Variants in MVP observed in about 807,000 individuals in gnomAD.
MVP encodes major vault protein, also known as lung resistance-related protein.
A neutral mutation model predicts 83.5 loss-of-function variants in MVP; 62 were observed. That is an observed-to-expected ratio of 0.74 (90% CI 0.61 to 0.92). The LOEUF (loss-of-function observed/expected upper bound fraction) is 0.92, where lower values mean the gene tolerates loss of function less well. Ranked by LOEUF, MVP falls within the 40% of genes least tolerant of loss-of-function variation. MVP has a pLI of 0.00. For missense variants in MVP, 1,000 were observed against 1,203.4 expected (o/e 0.83, Z 2.50); for synonymous variants, 505 against 504.1 (o/e 1.00, Z -0.02).
rs765719323 is a variant in MVP at position 29,842,138 on chromosome 16, G to T, written c.1634+26G>T. 11 of 1,567,364 alleles carry T rather than the reference G, an allele frequency of 7.0e-6. No individual in the cohort carries two copies. The South Asian group carries it at 1.1e-4, about 16-fold the overall frequency. ...GTAAAAATGGGGACAGGGCATGGGG[G>T]TGCATTCCTGGAATCCCAGCACTTT... On this transcript the variant is annotated intron_variant, in intron 10 of 14. Coordinates refer to ENST00000357402, the MANE Select transcript of MVP (RefSeq NM_005115.5).
intron 11 of MVP, among the ~76,000 whole-genome samples, chr16:29,845,417 C>G (rs1007674066): frequency 3.3e-5 from 5 of 152,132 alleles, no homozygotes; most frequent in African/African-American, 1.2e-4. Context: ...TTGGACCCAC[C>G]TGAAGGCCTT....
At position 29,846,246 on chromosome 16, in the gene MVP, C is replaced by T; in HGVS notation, c.2227C>T (p.Gln743Ter). Residue 743 changes from glutamine to a stop codon, truncating the protein, a stop_gained, in exon 13 of 15, where the codon CAG (glutamine) becomes TAG (stop). Coordinates refer to ENST00000357402, the MANE Select transcript of MVP (RefSeq NM_005115.5). LOFTEE classifies it high-confidence loss of function. ...ARIEGEGSVL[Q>*]AKLKAQALAI... ...GATTGAGGGAGAAGGGTCCGTGCTG[C>T]AGGCCAAGCTAAAAGCACAGGCCTT... 1 of 1,578,300 alleles carries T rather than the reference C, an allele frequency of 6.3e-7. No individual in the cohort carries two copies. The highest frequency in any genetic ancestry group is 8.6e-7 in the Non-Finnish European group (1 of 1,161,446).
chr16:29,830,726 T>G (rs753697578), intron 2 of MVP, 52 bp downstream of exon 2: 4 of 1,603,478 alleles, frequency 2.5e-6, no homozygotes, highest in Non-Finnish European at 3.4e-6. Context: ...GGGGGCCTGT[T>G]TGGCTGGCAT....
At chr16:29,842,772 C>G (rs2067545545) in intron 10 of MVP, among the ~76,000 whole-genome samples, 1 of 152,158 alleles carries the variant, frequency 6.6e-6, no homozygotes, top group East Asian at 1.9e-4. Flanking sequence ...CAAGAGGGAA[C>G]CTAGGAGTTC....
Position 29,830,608 on chromosome 16 carries a change from A to G in MVP, c.59A>G (p.Asp20Gly). Residue 20 changes from aspartate (D) to glycine (G), a missense_variant, in exon 2 of 15, where the codon GAC (aspartate) becomes GGC (glycine). Physicochemically the swap from Asp to Gly is moderately conservative, Grantham distance 94. Coordinates refer to ENST00000357402, the MANE Select transcript of MVP (RefSeq NM_005115.5). ...IPPYHYIHVLDQNSNVSRVEV... is the reference protein window; with the variant it reads ...IPPYHYIHVLGQNSNVSRVEV... ...CCATACCACTATATCCATGTGCTGG[A>G]CCAGAACAGCAACGTGTCCCGTGTG... 6.2e-7 allele frequency: 1 copy of G among 1,613,998 alleles called. No homozygotes were observed. Among genetic ancestry groups the G allele is most frequent in the Non-Finnish European group, 8.5e-7 (1 of 1,179,968 alleles).
At chr16:29,831,779 G>A (rs2067444159) in intron 3 of MVP, 1 of 454,070 alleles carries the variant, frequency 2.2e-6, no homozygotes, top group Non-Finnish European at 4.4e-6. Context: ...GCCCCAGGCT[G>A]TGCCTGTTCT....
intron 10 of MVP, among the ~76,000 whole-genome samples, chr16:29,842,983 G>A (rs761201937): frequency 6.6e-6 from 1 of 152,238 alleles, no homozygotes; most frequent in Non-Finnish European, 1.5e-5. Context: ...GAAACTGACT[G>A]CCCTGGCCTG....
chr16:29,847,963 A>G lies in MVP; in HGVS notation c.2656A>G (p.Asn886Asp), dbSNP rs768478497. 5 of 1,609,340 alleles carry G rather than the reference A, an allele frequency of 3.1e-6. No homozygotes were observed. Among genetic ancestry groups the G allele is most frequent in the Non-Finnish European group, 1.7e-6 (2 of 1,178,776 alleles). Residue 886 changes from asparagine (N) to aspartate (D), a missense_variant, in exon 15 of 15, where the codon AAC becomes GAC. Asn to Asp is a conservative substitution (Grantham distance 23). Transcript: ENST00000357402. ...TCAGGCCCCTCAAGCTCCTGGAGAC[A>G]ACCACGTGGTGCCTGTACTGCGCTA... is the stretch of plus-strand genomic sequence containing the variant. ...SAQAPQAPGD[N>D]HVVPVLR
chr16:29,842,017 G>C lies in MVP; in HGVS notation c.1539G>C (p.Ala513=), dbSNP rs578151102. 1 of 1,611,382 alleles carries C rather than the reference G, an allele frequency of 6.2e-7. No individual in the cohort carries two copies. Among genetic ancestry groups the C allele is most frequent in the African/African-American group, 1.3e-5 (1 of 74,912 alleles). Residue 513 remains alanine (A), a synonymous_variant, in exon 10 of 15, where the codon GCG becomes GCC. Transcript: ENST00000357402. ...GRPKRPHARR[A]LCLLLGPDFF... is the part of the protein sequence containing the mutation. ...CCAAGCGTCCCCATGCCCGCCGTGCGCTCTGCCTGCTGCTGGGGCCTGACT... is the reference window on the plus strand; with the variant it reads ...CCAAGCGTCCCCATGCCCGCCGTGCCCTCTGCCTGCTGCTGGGGCCTGACT...
At chr16:29,825,008 G>T (rs1304244647) in intron 1 of MVP, among the ~76,000 whole-genome samples, 1 of 151,982 alleles carries the variant, frequency 6.6e-6, no homozygotes, top group Non-Finnish European at 1.5e-5. Context: ...CTCCCAAAGT[G>T]TTGGGATTAC....
In MVP at chr16:29,840,176, A is replaced by C; in HGVS notation, c.910-2A>C. ...GACCCTAACCTCACGTCTCCCCACT[A>C]GGGAGAGAAGTCTTTTTTCCTCCAG... On this transcript the variant is annotated splice_acceptor_variant, in intron 7 of 14. Transcript: ENST00000357402. LOFTEE classifies it high-confidence loss of function. The C allele has an allele frequency of 6.2e-7, 1 of 1,605,336 alleles. No homozygotes were observed. Among genetic ancestry groups the C allele is most frequent in the East Asian group, 2.2e-5 (1 of 44,766 alleles).
intron 2 of MVP, 45 bp downstream of exon 2, chr16:29,830,719 G>A (rs1389125478): frequency 6.2e-7 from 1 of 1,606,264 alleles, no homozygotes; most frequent in Non-Finnish European, 8.5e-7. Context: ...GGGATGTGGG[G>A]GCCTGTTTGG....
rs898857406 is a variant in MVP at position 29,842,024 on chromosome 16, C to T, written c.1546C>T (p.Leu516=). 6.2e-7 allele frequency: 1 copy of T among 1,611,566 alleles called. No individual in the cohort carries two copies. The highest frequency in any genetic ancestry group is 8.5e-7 in the Non-Finnish European group (1 of 1,179,992). The change falls in exon 10 of 15, where the codon CTG becomes TTG. Residue 516 remains leucine (L), a synonymous_variant. Transcript: ENST00000357402. ...KRPHARRALC[L]LLGPDFFTDV... ...TCCCCATGCCCGCCGTGCGCTCTGC[C>T]TGCTGCTGGGGCCTGACTTCTTCAC...
chr16:29,832,758 C>T (rs1057466975), intron 3 of MVP, among the ~76,000 whole-genome samples: 1 of 151,744 alleles, frequency 6.6e-6, no homozygotes, highest in African/African-American at 2.4e-5. Context: ...CAAGCCCTGC[C>T]TAAGCTTTCA....
intron 1 of MVP, chr16:29,829,708 C>T (rs1397239669): frequency 6.6e-6 from 1 of 152,218 alleles, no homozygotes; most frequent in East Asian, 1.9e-4. Context: ...CTTCTCCTTC[C>T]TTTCCACCCT....
At chr16:29,846,003 G>A in intron 12 of MVP, 24 bp downstream of exon 12, 2 of 1,613,858 alleles carry the variant, frequency 1.2e-6, no homozygotes, top group Non-Finnish European at 1.7e-6. Context: ...TAGAGGAGGA[G>A]ACTGGCAGGG....
At chr16:29,824,675 T>G (rs1027300409) in intron 1 of MVP, among the ~76,000 whole-genome samples, 13 of 152,130 alleles carry the variant, frequency 8.5e-5, no homozygotes, top group African/African-American at 2.9e-4. Flanking sequence ...CGAGAATTGC[T>G]TGAACCTGGG....
chr16:29,830,895 T>A lies in MVP; in HGVS notation c.143T>A (p.Met48Lys). Residue 48 changes from methionine (M) to lysine (K), a missense_variant, in exon 3 of 15, where the codon ATG becomes AAG. By Grantham distance (95) the Met-to-Lys change is moderately conservative. Coordinates refer to ENST00000357402, the MANE Select transcript of MVP (RefSeq NM_005115.5). ...TCCTGCAGGGTACTGTTTGCCCCCA[T>A]GCGCATGGTGACCGTCCCCCCACGT... ...QDNERVLFAP[M>K]RMVTVPPRHY... is the part of the protein sequence containing the mutation. 6.2e-7 allele frequency: 1 copy of A among 1,612,878 alleles called. No homozygotes were observed. Among genetic ancestry groups the A allele is most frequent in the Non-Finnish European group, 8.5e-7 (1 of 1,179,072 alleles).
Position 29,831,048 on chromosome 16 carries a change from T to G in MVP, c.296T>G (p.Leu99Arg). ...EIRLAQDPFP[L>R]YPGEVLEKDI... The stretch of plus-strand genomic sequence containing the variant: ...CGGCTGGCCCAGGACCCCTTCCCCC[T>G]GTACCCAGGGGAGGTGCTGGAAAAG... Residue 99 changes from leucine to arginine, a missense_variant, in exon 3 of 15, where the codon CTG (leucine) becomes CGG (arginine). Physicochemically the swap from Leu to Arg is moderately radical, Grantham distance 102. Transcript: ENST00000357402. The G allele has an allele frequency of 6.2e-7, 1 of 1,613,226 alleles. No homozygotes were observed. The highest frequency in any genetic ancestry group is 8.5e-7 in the Non-Finnish European group (1 of 1,179,984).
Sources: gnomAD v4.1 joint callset for allele counts (sites outside exome capture counted in the v4.1 genomes callset) on GRCh38, gnomAD v4.1.1 for gene constraint, MANE v1.5 for transcripts, NCBI Gene and HGNC (gene_info 2026-07-23, HGNC 2026-07-21) for gene names.